The following CFAP52 variants were observed in gnomAD, a reference collection of about 807,000 sequenced individuals.
CFAP52 encodes the protein cilia- and flagella-associated protein 52.
Under a neutral mutation model 70.5 loss-of-function variants are expected in CFAP52, and 57 were observed. The ratio of observed to expected loss-of-function variants is 0.81; its 90% confidence interval spans 0.65 to 1.01. The LOEUF (loss-of-function observed/expected upper bound fraction) is 1.01, where lower values mean the gene tolerates loss of function less well. Among genes scored for constraint, CFAP52 ranks in the 50% least tolerant of loss-of-function variants. CFAP52 has a pLI of 0.00. For synonymous variants in CFAP52, 267 were observed against 292.5 expected (o/e 0.91, Z 0.89); for missense variants, 785 against 788.5 (o/e 1.00, Z 0.05).
chr17:9,611,081 T>C (rs964657545), intron 7 of CFAP52, among the ~76,000 whole-genome samples: 1 of 152,202 alleles, frequency 6.6e-6, no homozygotes, highest in Non-Finnish European at 1.5e-5. Context: ...TAACTTGTCA[T>C]CTTCCTTTCG....
At chr17:9,629,474 C>CCTTTCTTT (rs71995451) in intron 9 of CFAP52, among the ~76,000 whole-genome samples, 6 of 148,752 alleles carry the variant, frequency 4.0e-5, no homozygotes, top group Non-Finnish European at 8.9e-5. Context: ...TCTTTCTTTC[C>CCTTTCTTT]CTTTCTTTCT....
In CFAP52 at chr17:9,635,505, A is replaced by G. The variant is rs776152213; in HGVS notation, c.1421A>G (p.Glu474Gly). Residue 474 changes from glutamate (E) to glycine (G), a missense_variant, in exon 11 of 14, where the codon GAG (glutamate) becomes GGG (glycine). Transcript: ENST00000352665. Reference protein sequence around the residue: ...VSCIRVKRNNEECVTASTDGT... With the variant: ...VSCIRVKRNNGECVTASTDGT... ...TGCATTAGGGTGAAGAGGAACAACG[A>G]GGAGTGTGTCACCGCCAGCACCGAT... 32 of 1,614,114 alleles carry G rather than the reference A, an allele frequency of 2.0e-5. No individual in the cohort carries two copies. The highest frequency in any genetic ancestry group is 2.5e-5 in the Non-Finnish European group (30 of 1,180,050).
intron 8 of CFAP52, among the ~76,000 whole-genome samples, chr17:9,621,008 C>G (rs1159553517): frequency 2.0e-5 from 1 of 50,094 alleles, no homozygotes; most frequent in Non-Finnish European, 3.2e-5. Flanking sequence ...CAAATGGGAT[C>G]TAATTAAACT....
At chr17:9,585,541 G>T (rs893971035) in intron 1 of CFAP52, among the ~76,000 whole-genome samples, 6 of 152,080 alleles carry the variant, frequency 3.9e-5, no homozygotes, top group Admixed American at 3.9e-4. Context: ...TGTGGTGGCG[G>T]GTGCCTGTAA....
At position 9,643,214 on chromosome 17, in the gene CFAP52, T is replaced by G; in HGVS notation, c.*16T>G. ...TACCTCCTGAAGCTGATGAGATGTC[T>G]CTGAGCCTTGGCGTTGCACGCAGTC... On this transcript the variant is annotated 3_prime_UTR_variant, in exon 14 of 14. Transcript: ENST00000352665. 2 of 1,585,886 alleles carry G rather than the reference T, an allele frequency of 1.3e-6. No homozygotes were observed. Among genetic ancestry groups the G allele is most frequent in the Non-Finnish European group, 1.7e-6 (2 of 1,164,230 alleles).
In CFAP52 at chr17:9,585,847, A is replaced by G; in HGVS notation, c.145A>G (p.Ile49Val). ...MIYPLGCTVL[I>V]QAINTKEQNF... is the part of the protein sequence containing the mutation. ...TTATCCTCTTGGTTGCACAGTCCTC[A>G]TTCAGGCAATAAATACTAAAGAGCA... Residue 49 changes from isoleucine to valine, a missense_variant, in exon 2 of 14, where the codon ATT becomes GTT. Coordinates refer to ENST00000352665, the MANE Select transcript of CFAP52 (RefSeq NM_145054.5). 2 of 1,614,054 alleles carry G rather than the reference A, an allele frequency of 1.2e-6. No individual in the cohort carries two copies. Among genetic ancestry groups the G allele is most frequent in the Non-Finnish European group, 1.7e-6 (2 of 1,180,024 alleles).
chr17:9,588,774 A>ATT (rs34511627), intron 3 of CFAP52, among the ~76,000 whole-genome samples: 133,065 of 144,154 alleles, frequency 0.92, 62,171 homozygotes, highest in Non-Finnish European at 0.99. Context: ...ACAGAAAAGA[A>ATT]TTTTTTTTTT....
At chr17:9,599,138 T>C (rs1401352467) in intron 5 of CFAP52, among the ~76,000 whole-genome samples, 1 of 152,242 alleles carries the variant, frequency 6.6e-6, no homozygotes, top group East Asian at 1.9e-4. Context: ...TGGATTTTCT[T>C]CAGATTTTGG....
Position 9,614,021 on chromosome 17 carries a change from C to T in CFAP52, c.1025+1542C>T, listed in dbSNP as rs375202664. Among the ~76,000 whole-genome samples, 14 of 152,118 alleles carry T rather than the reference C, an allele frequency of 9.2e-5. 1 individual carries two copies. The highest frequency in any genetic ancestry group is 2.7e-4 in the African/African-American group (11 of 41,506). On this transcript the variant is annotated intron_variant, in intron 8 of 13. Coordinates refer to ENST00000352665, the MANE Select transcript of CFAP52 (RefSeq NM_145054.5). ...TAAGCACTTTAGTAGAATTAATCTG[C>T]AAAACTGTTTGGCCCTGGTGCTTTT...
chr17:9,594,189 G>T lies in CFAP52; in HGVS notation c.408-4G>T, dbSNP rs760554493. On this transcript the variant is annotated splice_polypyrimidine_tract_variant and splice_region_variant and intron_variant, in intron 3 of 13. Transcript: ENST00000352665. ...TTTTTTTTTGGTCCCTCTTATTTTG[G>T]CAGTGTGGTGGTGTGGAGCATAGCC... The T allele has an allele frequency of 2.5e-5, 39 of 1,563,138 alleles. No individual in the cohort carries two copies. The highest frequency in any genetic ancestry group is 1.0e-4 in the Admixed American group (5 of 49,612).
At chr17:9,606,838 G>A (rs1230087234) in intron 6 of CFAP52, among the ~76,000 whole-genome samples, 1 of 152,170 alleles carries the variant, frequency 6.6e-6, no homozygotes, top group Non-Finnish European at 1.5e-5. Flanking sequence ...GAAGTTAGGG[G>A]TGAGGGGTGG....
At chr17:9,589,747 A>T (rs79165165) in intron 3 of CFAP52, among the ~76,000 whole-genome samples, 123,223 of 136,760 alleles carry the variant, frequency 0.9, 56,624 homozygotes, top group East Asian at 1. Flanking sequence ...AAAAAAAAAA[A>T]AAAAAAAGAA....
In CFAP52 at chr17:9,622,485, G is replaced by A. The variant is rs1229971378; in HGVS notation, c.1026-6187G>A. ...GTGGGAGGAAGTTTGAGGCTACCAT[G>A]AGCTACAATCACACCAGTGCATGCC... On this transcript the variant is annotated intron_variant, in intron 8 of 13. Coordinates refer to ENST00000352665, the MANE Select transcript of CFAP52 (RefSeq NM_145054.5). 2.0e-5 allele frequency among the ~76,000 whole-genome samples: 3 copies of A among 151,988 alleles called. No individual in the cohort carries two copies. The East Asian group carries it at 5.8e-4, about 29-fold the overall frequency.
At chr17:9,644,352 G>A (rs1038722098), downstream of CFAP52, among the ~76,000 whole-genome samples, 5 of 152,258 alleles carry the variant, frequency 3.3e-5, no homozygotes, top group African/African-American at 1.2e-4. Context: ...TGATCCGCCC[G>A]TCTCGGCCTC....
chr17:9,630,463 T>G (rs1016375136), intron 9 of CFAP52, among the ~76,000 whole-genome samples: 1 of 148,852 alleles, frequency 6.7e-6, no homozygotes, highest in Non-Finnish European at 1.5e-5. Flanking sequence ...GGAGTCTTTT[T>G]CTGTCTCCCA....
At chr17:9,643,923 T>G (rs73255705), downstream of CFAP52, among the ~76,000 whole-genome samples, 4,470 of 152,274 alleles carry the variant, frequency 0.029, 212 homozygotes, top group African/African-American at 0.1. Context: ...TGTGTCCTTG[T>G]GTATTAATCA....
rs190452870 is a variant in CFAP52 at position 9,613,653 on chromosome 17, G to A, written c.1025+1174G>A. On this transcript the variant is annotated intron_variant, in intron 8 of 13. Transcript: ENST00000352665. ...CTGCCTCAGCCTCCTGAGTAGCTAG[G>A]ATTACAGGCATGCACCACCACGCCC... 3.3e-4 allele frequency among the ~76,000 whole-genome samples: 50 copies of A among 152,118 alleles called. 1 individual carries two copies. Among genetic ancestry groups the A allele is most frequent in the Non-Finnish European group, 1.0e-4 (7 of 67,992 alleles).
At chr17:9,644,448 C>T (rs1597802084), downstream of CFAP52, among the ~76,000 whole-genome samples, 1 of 151,868 alleles carries the variant, frequency 6.6e-6, no homozygotes, top group Admixed American at 6.5e-5. Flanking sequence ...TATTAAACAA[C>T]AAGTAACATT....
chr17:9,584,017 A>T (rs1451479449), intron 1 of CFAP52, among the ~76,000 whole-genome samples: 1 of 152,142 alleles, frequency 6.6e-6, no homozygotes. Flanking sequence ...GGGAAATTAG[A>T]GGAATAATGA....
Sources: gnomAD v4.1 joint callset for allele counts (sites outside exome capture counted in the v4.1 genomes callset) on GRCh38, gnomAD v4.1.1 for gene constraint, MANE v1.5 for transcripts, NCBI Gene and HGNC (gene_info 2026-07-23, HGNC 2026-07-21) for gene names.